The following STIM1 variants were observed in gnomAD, a reference collection of about 807,000 sequenced individuals.
STIM1 encodes the protein stromal interaction molecule 1.
In STIM1, 25 loss-of-function variants were observed where a neutral mutation model predicts 74.7. That is an observed-to-expected ratio of 0.33 (90% CI 0.24 to 0.47). The LOEUF is 0.47. Among genes scored for constraint, STIM1 ranks in the 20% least tolerant of loss-of-function variants. The pLI is 1.00. For missense variants in STIM1, 728 were observed against 920.8 expected, an observed-to-expected ratio of 0.79 and a Z score of 2.71; for synonymous variants, 328 against 348.8, an observed-to-expected ratio of 0.94 and a Z score of 0.66.
intron 3 of STIM1, among the ~76,000 whole-genome samples, chr11:4,046,613 A>C (rs2094195679): frequency 6.6e-6 from 1 of 152,030 alleles, no homozygotes; most frequent in Non-Finnish European, 1.5e-5. Flanking sequence ...GCTTTGCATC[A>C]CATCCTGGGC....
chr11:3,877,716 C>T (rs537893036), intron 1 of STIM1, among the ~76,000 whole-genome samples: 1 of 152,294 alleles, frequency 6.6e-6, no homozygotes, highest in East Asian at 1.9e-4. Context: ...GGGCCTTGTT[C>T]TCAGGCATTC....
intron 7 of STIM1, among the ~76,000 whole-genome samples, chr11:4,080,400 TTCTG>T (rs762289324): frequency 3.9e-5 from 6 of 152,196 alleles, no homozygotes; most frequent in East Asian, 1.9e-4. Context: ...ATATGTCTCT[TTCTG>T]TCTGTCTGTC....
chr11:3,983,698 A>G (rs901628066), intron 2 of STIM1, among the ~76,000 whole-genome samples: 1 of 152,140 alleles, frequency 6.6e-6, no homozygotes, highest in Admixed American at 6.5e-5. Flanking sequence ...CATGGCTGCT[A>G]TATCACTCCC....
intron 2 of STIM1, among the ~76,000 whole-genome samples, chr11:3,979,865 G>T (rs1189103737): frequency 6.6e-6 from 1 of 151,998 alleles, no homozygotes; most frequent in Non-Finnish European, 1.5e-5. Context: ...TCCTTACCTG[G>T]AATTAACCTC....
At chr11:4,009,731 T>G (rs1325691606) in intron 2 of STIM1, among the ~76,000 whole-genome samples, 2 of 152,176 alleles carry the variant, frequency 1.3e-5, no homozygotes, top group Non-Finnish European at 1.5e-5. Context: ...CCCTTAGCTC[T>G]CACTCTCCTT....
At chr11:3,931,618 C>T (rs2092861075) in intron 1 of STIM1, among the ~76,000 whole-genome samples, 1 of 152,172 alleles carries the variant, frequency 6.6e-6, no homozygotes, top group Non-Finnish European at 1.5e-5. Flanking sequence ...TCACACTTAC[C>T]AGATCCATGA....
At chr11:4,076,657 T>G (rs958122877) in intron 7 of STIM1, among the ~76,000 whole-genome samples, 3 of 151,820 alleles carry the variant, frequency 2.0e-5, no homozygotes, top group Non-Finnish European at 4.4e-5. Context: ...TTGTATGTGA[T>G]ATGAGGTAGG....
chr11:3,898,168 A>G (rs1001955602), intron 1 of STIM1, among the ~76,000 whole-genome samples: 4 of 151,252 alleles, frequency 2.6e-5, no homozygotes, highest in Middle Eastern at 3.2e-3. Context: ...CATCCTCTCC[A>G]GCACCTGTTG....
chr11:4,022,905 G>T (rs2093969074), intron 2 of STIM1, among the ~76,000 whole-genome samples: 1 of 152,242 alleles, frequency 6.6e-6, no homozygotes, highest in African/African-American at 2.4e-5. Flanking sequence ...CTAGACTTGG[G>T]TGTCGTGCAA....
At chr11:3,902,711 A>G (rs936977525) in intron 1 of STIM1, among the ~76,000 whole-genome samples, 3 of 152,182 alleles carry the variant, frequency 2.0e-5, no homozygotes, top group African/African-American at 7.2e-5. Flanking sequence ...GACCCTTGGC[A>G]TAGGGAATAG....
At position 3,977,442 on chromosome 11, in the gene STIM1, TAC is replaced by T. The variant is rs533917607; in HGVS notation, c.270+9762_270+9763del. Among the ~76,000 whole-genome samples, 157 of 152,354 alleles carry T rather than the reference TAC, an allele frequency of 1.0e-3. 1 individual carries two copies. Among genetic ancestry groups the T allele is most frequent in the African/African-American group, 3.6e-3 (150 of 41,580 alleles). ...GTTATGAGCTTATGCTCTGGAATCA[TAC>T]AGACTCCATTCTGCCTCTTCCAGCT... is the stretch of plus-strand genomic sequence containing the variant. On this transcript the variant is annotated intron_variant, in intron 2 of 12. Coordinates refer to ENST00000526596, the MANE Select transcript of STIM1 (RefSeq NM_001382567.1).
intron 3 of STIM1, chr11:4,049,715 A>AACACACACACACACAC (rs748609546): frequency 3.0e-5 from 3 of 101,416 alleles, no homozygotes; most frequent in East Asian, 3.0e-4. Context: ...CCCCTGCCCA[A>AACACACACACACACAC]ACACACACAC....
At chr11:3,971,099 G>C (rs2093388390) in intron 2 of STIM1, among the ~76,000 whole-genome samples, 1 of 152,182 alleles carries the variant, frequency 6.6e-6, no homozygotes, top group African/African-American at 2.4e-5. Context: ...ATGTGGGCCA[G>C]GTGTGGTGGC....
intron 2 of STIM1, among the ~76,000 whole-genome samples, chr11:3,998,546 T>G (rs546199162): frequency 6.6e-6 from 1 of 152,294 alleles, no homozygotes; most frequent in African/African-American, 2.4e-5. Flanking sequence ...GGCCCTCGGC[T>G]TGGAGATGGA....
At chr11:4,067,387 C>T (rs753972503) in intron 5 of STIM1, among the ~76,000 whole-genome samples, 3 of 152,216 alleles carry the variant, frequency 2.0e-5, no homozygotes, top group Non-Finnish European at 4.4e-5. Flanking sequence ...GGCAATGCCA[C>T]TATCAGCTTC....
At chr11:4,084,818 C>G (rs2094483751) in intron 11 of STIM1, 53 bp downstream of exon 11, 5 of 1,262,722 alleles carry the variant, frequency 4.0e-6, no homozygotes, top group Non-Finnish European at 5.2e-6. Flanking sequence ...GGGACTAAAT[C>G]AACACTCTTA....
intron 1 of STIM1, among the ~76,000 whole-genome samples, chr11:3,961,125 T>C (rs2093280867): frequency 6.6e-6 from 1 of 152,048 alleles, no homozygotes; most frequent in Non-Finnish European, 1.5e-5. Flanking sequence ...ACTTCAGCCT[T>C]CTGAGTAGCT....
intron 2 of STIM1, among the ~76,000 whole-genome samples, chr11:3,986,857 A>C (rs751596492): frequency 6.6e-6 from 1 of 152,184 alleles, no homozygotes; most frequent in Non-Finnish European, 1.5e-5. Flanking sequence ...AAATTTCTAT[A>C]GTTGTTGTGT....
chr11:4,062,247 A>G (rs1308607381), intron 5 of STIM1, among the ~76,000 whole-genome samples: 1 of 152,266 alleles, frequency 6.6e-6, no homozygotes, highest in East Asian at 1.9e-4. Context: ...GAATGTACCA[A>G]GAAAGTGAAA....
Sources: allele counts gnomAD v4.1 joint callset (sites outside exome capture counted in the v4.1 genomes callset), GRCh38; gene constraint gnomAD v4.1.1; transcripts MANE v1.5; gene names NCBI Gene and HGNC (gene_info 2026-07-23, HGNC 2026-07-21).